ZNF597: variants seen among roughly 807,000 people sequenced by gnomAD.
ZNF597 encodes zinc finger protein 597.
In ZNF597, 5 loss-of-function variants were observed where a neutral mutation model predicts 7.3. That is an observed-to-expected ratio of 0.68 (90% confidence interval 0.36 to 1.44). ZNF597 has a LOEUF of 1.44. Among genes scored for constraint, ZNF597 ranks in the 40% most tolerant of loss-of-function variants. The pLI, the probability that ZNF597 is intolerant of heterozygous loss-of-function variation, is 0.04. For missense variants in ZNF597, 585 were observed against 517.9 expected (o/e 1.13, Z -1.26); for synonymous variants, 209 against 185.4 (o/e 1.13, Z -1.04).
At position 3,443,183 on chromosome 16, in the gene ZNF597, C is replaced by T; in HGVS notation, c.-30G>A. 1 of 1,607,670 alleles carries T rather than the reference C, an allele frequency of 6.2e-7. No homozygotes were observed. The highest frequency in any genetic ancestry group is 8.5e-7 in the Non-Finnish European group (1 of 1,176,616). On this transcript the variant is annotated 5_prime_UTR_variant, in exon 2 of 4. Coordinates refer to ENST00000301744, the MANE Select transcript of ZNF597 (RefSeq NM_152457.3). ...CGGGTGGGGAATGCCTTCTTCAAGACGCCACAGGGACTTCGTGACAAAGCT... is the reference window on the plus strand; with the variant it reads ...CGGGTGGGGAATGCCTTCTTCAAGATGCCACAGGGACTTCGTGACAAAGCT...
intron 3 of ZNF597, among the ~76,000 whole-genome samples, chr16:3,438,517 C>G (rs895242022): frequency 1.3e-5 from 2 of 150,754 alleles, no homozygotes; most frequent in Admixed American, 6.6e-5. Flanking sequence ...GAGCCGAGAT[C>G]GCGCCACTGC....
chr16:3,443,276 C>T (rs943471242), intron 1 of ZNF597, 70 bp from the exon 2 acceptor site: 3 of 950,998 alleles, frequency 3.2e-6, no homozygotes, highest in Non-Finnish European at 4.6e-6. Context: ...CCCCTAGCCT[C>T]CCTCGATTCC....
chr16:3,440,298 G>A (rs963549890), intron 3 of ZNF597, among the ~76,000 whole-genome samples: 1 of 152,188 alleles, frequency 6.6e-6, no homozygotes, highest in Non-Finnish European at 1.5e-5. Flanking sequence ...GCCATCTCTT[G>A]TACTAAACCA....
At position 3,440,551 on chromosome 16, in the gene ZNF597, G is replaced by A. The variant is rs140506329; in HGVS notation, c.160+256C>T. 5.1e-3 allele frequency among the ~76,000 whole-genome samples: 771 copies of A among 152,152 alleles called. 8 individuals carry two copies. The highest frequency in any genetic ancestry group is 0.016 in the African/African-American group (673 of 41,488). ...CGGGAGGCTGAGGCAGGAGAATGGC[G>A]TGAACCTGGGAGGCGCGGTTTGCAG... On this transcript the variant is annotated intron_variant, in intron 3 of 3. Transcript: ENST00000301744.
Position 3,436,343 on chromosome 16 carries a change from C to A in ZNF597, c.*81G>T. 1.5e-6 allele frequency: 2 copies of A among 1,351,128 alleles called. No homozygotes were observed. The highest frequency in any genetic ancestry group is 2.2e-5 in the Admixed American group (1 of 46,186). 83.7% of individuals were successfully genotyped at this position (1,351,128 alleles called of 1,614,324 possible). On this transcript the variant is annotated 3_prime_UTR_variant, in exon 4 of 4. Coordinates refer to ENST00000301744, the MANE Select transcript of ZNF597 (RefSeq NM_152457.3). Reference sequence around the variant, plus strand: ...TGTGTGTAAAGTGCTTAGCACATTGCCTGGGACATATACAGTAACTGCTTC... The same window carrying A: ...TGTGTGTAAAGTGCTTAGCACATTGACTGGGACATATACAGTAACTGCTTC...
At position 3,436,828 on chromosome 16, in the gene ZNF597, C is replaced by T. The variant is rs779436736; in HGVS notation, c.871G>A (p.Val291Ile). Reference protein sequence around the residue: ...PNLALPEETFVSGPQYQHTKC... With the variant: ...PNLALPEETFISGPQYQHTKC... ...GTGTGCTGGTACTGGGGGCCTGATA[C>T]GAATGTTTCCTCAGGCAAAGCAAGA... The change falls in exon 4 of 4, where the codon GTA becomes ATA. Residue 291 changes from valine to isoleucine, a missense_variant. Coordinates refer to ENST00000301744, the MANE Select transcript of ZNF597 (RefSeq NM_152457.3). The T allele has an allele frequency of 2.2e-5, 36 of 1,613,686 alleles. No individual in the cohort carries two copies. In the African/African-American group the frequency reaches 2.8e-4, roughly 13 times the overall value.
intron 2 of ZNF597, among the ~76,000 whole-genome samples, chr16:3,441,569 C>T (rs567124822): frequency 6.6e-6 from 1 of 152,102 alleles, no homozygotes; most frequent in African/African-American, 2.4e-5. Context: ...GCCTATAATC[C>T]CAGCTACTTG....
At chr16:3,438,566 A>T (rs1297671407) in intron 3 of ZNF597, among the ~76,000 whole-genome samples, 2 of 151,906 alleles carry the variant, frequency 1.3e-5, no homozygotes, top group Admixed American at 6.5e-5. Context: ...CTGTCTCAAA[A>T]AAAAATAATA....
chr16:3,442,608 G>A (rs748814441), intron 2 of ZNF597, among the ~76,000 whole-genome samples: 2 of 151,824 alleles, frequency 1.3e-5, no homozygotes, highest in Middle Eastern at 3.2e-3. Flanking sequence ...CCGGGAGGCG[G>A]AGCTTGCAGT....
At chr16:3,441,977 C>CAA (rs57118709) in intron 2 of ZNF597, among the ~76,000 whole-genome samples, 259 of 91,406 alleles carry the variant, frequency 2.8e-3, no homozygotes, top group Middle Eastern at 0.02. Context: ...GAGACTGTCT[C>CAA]AAAAAAAAAA....
chr16:3,443,273 C>G, intron 1 of ZNF597, 67 bp from the exon 2 acceptor site: 1 of 1,030,444 alleles, frequency 9.7e-7, no homozygotes, highest in South Asian at 1.6e-5. Context: ...CTACCCCTAG[C>G]CTCCCTCGAT....
At position 3,440,860 on chromosome 16, in the gene ZNF597, C is replaced by G; in HGVS notation, c.107G>C (p.Arg36Thr). ...TTTTGTACCATCTTTGCTGAGGGAC[C>G]TCTGGGCAGGGTGCAGAGTCACGCA... ...EECVTLHPAQ[R>T]SLSKDGTKES... Residue 36 changes from arginine (R) to threonine (T), a missense_variant, in exon 3 of 4, where the codon AGG becomes ACG. Arg to Thr is a moderately conservative substitution (Grantham distance 71). Transcript: ENST00000301744. The G allele has an allele frequency of 6.2e-7, 1 of 1,614,064 alleles. No individual in the cohort carries two copies. The highest frequency in any genetic ancestry group is 8.5e-7 in the Non-Finnish European group (1 of 1,179,980).
Position 3,437,116 on chromosome 16 carries a change from G to A in ZNF597, c.583C>T (p.His195Tyr). ...KCGDCGKIFN[H>Y]RANLRTHRRI... Reference sequence around the variant, plus strand: ...CTGTGTGTCCTCAGGTTGGCTCTATGATTGAAGATCTTTCCACAGTCACCA... The same window carrying A: ...CTGTGTGTCCTCAGGTTGGCTCTATAATTGAAGATCTTTCCACAGTCACCA... Residue 195 changes from histidine (H) to tyrosine (Y), a missense_variant, in exon 4 of 4, where the codon CAT becomes TAT. By Grantham distance (83) the His-to-Tyr change is moderately conservative. Coordinates refer to ENST00000301744, the MANE Select transcript of ZNF597 (RefSeq NM_152457.3). 1 of 1,614,172 alleles carries A rather than the reference G, an allele frequency of 6.2e-7. No individual in the cohort carries two copies. The highest frequency in any genetic ancestry group is 8.5e-7 in the Non-Finnish European group (1 of 1,180,026).
In ZNF597 at chr16:3,443,428, C is replaced by T; in HGVS notation, c.-122G>A. On this transcript the variant is annotated 5_prime_UTR_variant, in exon 1 of 4. Coordinates refer to ENST00000301744, the MANE Select transcript of ZNF597 (RefSeq NM_152457.3). ...TGCAGAAAGCGACGCCCGACCGAGACGCGACGAAGAACGCCACGGCCACTG... is the reference window on the plus strand; with the variant it reads ...TGCAGAAAGCGACGCCCGACCGAGATGCGACGAAGAACGCCACGGCCACTG... The T allele has an allele frequency of 1.9e-6, 1 of 522,484 alleles. No individual in the cohort carries two copies. Among genetic ancestry groups the T allele is most frequent in the Non-Finnish European group, 3.3e-6 (1 of 299,102 alleles). The allele number at this position is 522,484 out of a possible 1,614,324, so 32.4% of individuals were successfully genotyped here. A position where few individuals can be genotyped will look rare whatever the true frequency, so the allele number is the denominator to read the frequency against.
At chr16:3,441,977 CAAA>C (rs57118709) in intron 2 of ZNF597, among the ~76,000 whole-genome samples, 4 of 91,476 alleles carry the variant, frequency 4.4e-5, no homozygotes, top group Admixed American at 1.3e-4. Context: ...GAGACTGTCT[CAAA>C]AAAAAAAAAA....
chr16:3,436,009 T>C lies in ZNF597; in HGVS notation c.*415A>G, dbSNP rs72776389. On this transcript the variant is annotated 3_prime_UTR_variant, in exon 4 of 4. Coordinates refer to ENST00000301744, the MANE Select transcript of ZNF597 (RefSeq NM_152457.3). ...TTATAGCAAAAAAAAGTATAAAACA[T>C]ATAAAAGCATTTACTTTCCTAGATA... 3,364 of 166,216 alleles carry C rather than the reference T, an allele frequency of 0.02. 47 individuals carry two copies. Among genetic ancestry groups the C allele is most frequent in the Non-Finnish European group, 0.033 (2,509 of 77,092 alleles). The allele number at this position is 166,216 out of a possible 1,614,324, so 10.3% of individuals were successfully genotyped here.
rs553369365 is a variant in ZNF597, at chr16:3,433,550, T to C, written c.*2874A>G. On this transcript the variant is annotated 3_prime_UTR_variant, in exon 4 of 4. Transcript: ENST00000301744. ...AGTTTTTCATTCCCATATTAACTTT[T>C]ATCCAGTATTTGTGAATAGCACCTA... 1.3e-5 allele frequency: 2 copies of C among 152,244 alleles called. No individual in the cohort carries two copies. Among genetic ancestry groups the C allele is most frequent in the South Asian group, 4.1e-4 (2 of 4,822 alleles). 9.4% of individuals were successfully genotyped at this position (152,244 alleles called of 1,614,324 possible). A position where few individuals can be genotyped will look rare whatever the true frequency, so the allele number is the denominator to read the frequency against.
At chr16:3,441,977 C>CAAA (rs57118709) in intron 2 of ZNF597, among the ~76,000 whole-genome samples, 62 of 91,490 alleles carry the variant, frequency 6.8e-4, no homozygotes, top group African/African-American at 2.3e-3. Flanking sequence ...GAGACTGTCT[C>CAAA]AAAAAAAAAA....
At position 3,434,941 on chromosome 16, in the gene ZNF597, T is replaced by C. The variant is rs182050747; in HGVS notation, c.*1483A>G. Reference sequence around the variant, plus strand: ...CAATCGACTTTAATGAGAAATTGTATATGAATCTATATTTACAACATTCTG... The same window carrying C: ...CAATCGACTTTAATGAGAAATTGTACATGAATCTATATTTACAACATTCTG... On this transcript the variant is annotated 3_prime_UTR_variant, in exon 4 of 4. Coordinates refer to ENST00000301744, the MANE Select transcript of ZNF597 (RefSeq NM_152457.3). 2.3e-3 allele frequency: 357 copies of C among 152,348 alleles called. 3 individuals carry two copies. Among genetic ancestry groups the C allele is most frequent in the African/African-American group, 8.3e-3 (344 of 41,580 alleles). The allele number at this position is 152,348 out of a possible 1,614,324, so 9.4% of individuals were successfully genotyped here.
Sources: allele counts gnomAD v4.1 joint callset (sites outside exome capture counted in the v4.1 genomes callset), GRCh38; gene constraint gnomAD v4.1.1; transcripts MANE v1.5; gene names NCBI Gene and HGNC (gene_info 2026-07-23, HGNC 2026-07-21).